CAMK1D: variants seen among roughly 807,000 people sequenced by gnomAD.
CAMK1D encodes the protein calcium/calmodulin-dependent protein kinase type 1D.
A neutral mutation model predicts 47.7 loss-of-function variants in CAMK1D; 9 were observed. That is an observed-to-expected ratio of 0.19 (90% CI 0.11 to 0.33). The LOEUF is 0.33. Among genes scored for constraint, CAMK1D ranks in the 10% least tolerant of loss-of-function variants. The pLI is 1.00. For missense variants in CAMK1D, 291 were observed against 488.7 expected (o/e 0.60, Z 3.81); for synonymous variants, 184 against 184.9 (o/e 0.99, Z 0.04).
At chr10:12,660,868 T>C (rs1840255018) in intron 2 of CAMK1D, among the ~76,000 whole-genome samples, 1 of 152,256 alleles carries the variant, frequency 6.6e-6, no homozygotes, top group Non-Finnish European at 1.5e-5. Flanking sequence ...ACATCCCTTA[T>C]GGATGAAGAT....
intron 1 of CAMK1D, among the ~76,000 whole-genome samples, chr10:12,466,323 G>C (rs1833588635): frequency 6.6e-6 from 1 of 152,134 alleles, no homozygotes; most frequent in African/African-American, 2.4e-5. Context: ...CAGGAGAATG[G>C]TGTGAACCTG....
Position 12,824,513 on chromosome 10 carries a change from C to T in CAMK1D, c.882C>T (p.Ser294=), listed in dbSNP as rs200929443. ...ALNKNIHESV[S]AQIRKNFAKS... ...ACAAAAACATCCACGAGTCCGTCAG[C>T]GCCCAGATCCGGAAAAACTTTGCCA... The change falls in exon 9 of 11, where the codon AGC becomes AGT. Residue 294 remains serine, a synonymous_variant. Transcript: ENST00000619168. 20 of 1,613,950 alleles carry T rather than the reference C, an allele frequency of 1.2e-5. No homozygotes were observed. The highest frequency in any genetic ancestry group is 5.3e-5 in the African/African-American group (4 of 74,886).
At chr10:12,665,900 C>T (rs1036603413) in intron 2 of CAMK1D, among the ~76,000 whole-genome samples, 2 of 152,352 alleles carry the variant, frequency 1.3e-5, no homozygotes, top group Admixed American at 1.3e-4. Context: ...GACCCCCAGG[C>T]GATTCATCTG....
chr10:12,415,627 T>C (rs1481129596), intron 1 of CAMK1D, among the ~76,000 whole-genome samples: 2 of 151,926 alleles, frequency 1.3e-5, no homozygotes, highest in African/African-American at 4.8e-5. Context: ...CTGAAACTTG[T>C]TTCTTCCATG....
At chr10:12,778,576 A>G (rs1036382655) in intron 5 of CAMK1D, among the ~76,000 whole-genome samples, 8 of 152,206 alleles carry the variant, frequency 5.3e-5, no homozygotes, top group Non-Finnish European at 1.2e-4. Flanking sequence ...CAGAAGCAAC[A>G]TTAAAATACA....
intron 2 of CAMK1D, among the ~76,000 whole-genome samples, chr10:12,600,602 C>T (rs1588677361): frequency 6.6e-6 from 1 of 152,338 alleles, no homozygotes; most frequent in East Asian, 1.9e-4. Context: ...CTTAACCCTG[C>T]AAGATGTTTG....
intron 1 of CAMK1D, among the ~76,000 whole-genome samples, chr10:12,517,694 C>A (rs1311619685): frequency 1.3e-5 from 2 of 151,970 alleles, no homozygotes; most frequent in Non-Finnish European, 2.9e-5. Flanking sequence ...GAATGTTGAA[C>A]CCGCTTTGTA....
chr10:12,714,661 G>T (rs1429518194), intron 3 of CAMK1D, among the ~76,000 whole-genome samples: 1 of 152,090 alleles, frequency 6.6e-6, no homozygotes, highest in Non-Finnish European at 1.5e-5. Flanking sequence ...GGTGGTTCCA[G>T]TGAGCCGAGA....
intron 2 of CAMK1D, among the ~76,000 whole-genome samples, chr10:12,636,805 C>T (rs1387678080): frequency 1.3e-5 from 2 of 152,100 alleles, no homozygotes; most frequent in Non-Finnish European, 2.9e-5. Flanking sequence ...GGCATCTTGC[C>T]TTCTGTCAGT....
intron 1 of CAMK1D, among the ~76,000 whole-genome samples, chr10:12,461,041 C>T (rs988884600): frequency 6.6e-6 from 1 of 152,198 alleles, no homozygotes; most frequent in African/African-American, 2.4e-5. Flanking sequence ...CTCCACTCTG[C>T]CTCCTCAATT....
chr10:12,457,657 T>C (rs915505417), intron 1 of CAMK1D, among the ~76,000 whole-genome samples: 3 of 151,622 alleles, frequency 2.0e-5, no homozygotes, highest in African/African-American at 7.3e-5. Context: ...GGCGCGAGCC[T>C]GTAGTTCCAG....
intron 3 of CAMK1D, among the ~76,000 whole-genome samples, chr10:12,712,553 C>T (rs189403246): frequency 6.6e-6 from 1 of 152,266 alleles, no homozygotes; most frequent in East Asian, 1.9e-4. Context: ...TTGCAGACGG[C>T]CTCCTTCTCA....
intron 1 of CAMK1D, among the ~76,000 whole-genome samples, chr10:12,453,028 G>A (rs1365474597): frequency 1.3e-5 from 2 of 151,844 alleles, no homozygotes; most frequent in South Asian, 2.1e-4. Flanking sequence ...CCCAGTCTAC[G>A]GCCAGCCCCA....
intron 2 of CAMK1D, among the ~76,000 whole-genome samples, chr10:12,652,148 G>T (rs540650765): frequency 7.9e-5 from 12 of 152,212 alleles, no homozygotes; most frequent in African/African-American, 2.9e-4. Flanking sequence ...TTTACTAGTT[G>T]GAGTGGGGAA....
chr10:12,667,214 G>A (rs1190885760), intron 3 of CAMK1D, among the ~76,000 whole-genome samples: 1 of 152,226 alleles, frequency 6.6e-6, no homozygotes, highest in Non-Finnish European at 1.5e-5. Context: ...GGGATGCCGG[G>A]GGAGGGAAGC....
intron 3 of CAMK1D, among the ~76,000 whole-genome samples, chr10:12,719,965 G>C (rs1260792070): frequency 6.6e-6 from 1 of 152,228 alleles, no homozygotes; most frequent in Non-Finnish European, 1.5e-5. Context: ...AGCAAAGGTT[G>C]CTGGGCCCTG....
intron 1 of CAMK1D, among the ~76,000 whole-genome samples, chr10:12,400,650 G>A (rs1042737122): frequency 3.9e-5 from 6 of 151,958 alleles, no homozygotes; most frequent in Admixed American, 3.3e-4. Context: ...ATCTTCTGAG[G>A]GACTGAGTGT....
At chr10:12,404,195 G>GCC (rs1254428646) in intron 1 of CAMK1D, among the ~76,000 whole-genome samples, 1 of 152,006 alleles carries the variant, frequency 6.6e-6, no homozygotes, top group Non-Finnish European at 1.5e-5. Flanking sequence ...ACAGGTGTCC[G>GCC]CCACCGCGCC....
At chr10:12,356,202 C>T (rs1351003451) in intron 1 of CAMK1D, among the ~76,000 whole-genome samples, 1 of 152,028 alleles carries the variant, frequency 6.6e-6, no homozygotes, top group African/African-American at 2.4e-5. Context: ...TGAGCCACCT[C>T]ACCTGGCCGA....
Sources: allele counts gnomAD v4.1 joint callset (sites outside exome capture counted in the v4.1 genomes callset), GRCh38; gene constraint gnomAD v4.1.1; transcripts MANE v1.5; gene names NCBI Gene and HGNC (gene_info 2026-07-23, HGNC 2026-07-21).